BCAN: variants seen among roughly 807,000 people sequenced by gnomAD.
BCAN encodes the protein brevican core protein.
Under a neutral mutation model 92.4 loss-of-function variants are expected in BCAN, and 51 were observed. The observed-to-expected ratio is 0.55, with a 90% CI of 0.44 to 0.70. BCAN has a LOEUF of 0.70. Among genes scored for constraint, BCAN ranks in the 30% least tolerant of loss-of-function variants. The pLI is 0.00. For synonymous variants in BCAN, 501 were observed against 505.2 expected (o/e 0.99, Z 0.11); for missense variants, 1,140 against 1,212.1 (o/e 0.94, Z 0.88).
intron 11 of BCAN, 104 bp downstream of exon 11, chr1:156,657,861 C>T (rs1263971814): frequency 1.0e-6 from 1 of 994,782 alleles, no homozygotes; most frequent in Admixed American, 2.9e-5. Context: ...CTTTTTCCGG[C>T]CTCCTTCCCT....
At chr1:156,653,415 C>G (rs751806776) in intron 8 of BCAN, 13 of 995,688 alleles carry the variant, frequency 1.3e-5, no homozygotes, top group Non-Finnish European at 1.6e-5. Context: ...TATTTTTTGA[C>G]TGTTTCATGG....
chr1:156,652,171 T>C, intron 7 of BCAN, 77 bp from the exon 8 acceptor site: 1 of 1,515,974 alleles, frequency 6.6e-7, no homozygotes, highest in Non-Finnish European at 8.8e-7. Flanking sequence ...GAGCCCTACT[T>C]TTCTCCCCTT....
In BCAN at chr1:156,654,680, G is replaced by A. The variant is rs540419742; in HGVS notation, c.1943-1602G>A. Among the ~76,000 whole-genome samples, 5 of 152,330 alleles carry A rather than the reference G, an allele frequency of 3.3e-5. No homozygotes were observed. In the South Asian group the frequency reaches 1.0e-3, roughly 32 times the overall value. On this transcript the variant is annotated intron_variant, in intron 8 of 13. Coordinates refer to ENST00000329117, the MANE Select transcript of BCAN (RefSeq NM_021948.5). ...AAGTTTGAGAGCCTCTGTCCCCCAG[G>A]GTTGGAGGGTTGAATGGGAAGGAGC...
At position 156,658,004 on chromosome 1, in the gene BCAN, C is replaced by T; in HGVS notation, c.2293-123C>T. 1 of 1,166,318 alleles carries T rather than the reference C, an allele frequency of 8.6e-7. No homozygotes were observed. The highest frequency in any genetic ancestry group is 1.5e-5 in the South Asian group (1 of 64,742). The allele number at this position is 1,166,318 out of a possible 1,614,324, so 72.2% of individuals were successfully genotyped here. On this transcript the variant is annotated intron_variant, in intron 11 of 13. Coordinates refer to ENST00000329117, the MANE Select transcript of BCAN (RefSeq NM_021948.5). The surrounding 1 kb of genome is among the most constrained non-coding windows in gnomAD (Gnocchi z 4.4). Reference sequence around the variant, plus strand: ...TTCCCCTTCCCCGGGAGATCCCCTACCCCCTAGCCCTAACCTTCCCTCTCC... The same window carrying T: ...TTCCCCTTCCCCGGGAGATCCCCTATCCCCTAGCCCTAACCTTCCCTCTCC...
At chr1:156,643,212 T>C (rs1203453169) in intron 1 of BCAN, 1 of 152,276 alleles carries the variant, frequency 6.6e-6, no homozygotes, top group Non-Finnish European at 1.5e-5. Flanking sequence ...AGTGCCTATG[T>C]TGCTATGGCT....
intron 8 of BCAN, among the ~76,000 whole-genome samples, chr1:156,655,078 G>T (rs1679288633): frequency 6.6e-6 from 1 of 152,240 alleles, no homozygotes; most frequent in Admixed American, 6.5e-5. Flanking sequence ...AAAGTCTGAA[G>T]GGTTCTGCCC....
At chr1:156,651,734 T>C (rs776426277) in intron 7 of BCAN, 45 bp downstream of exon 7, 3 of 1,534,574 alleles carry the variant, frequency 2.0e-6, no homozygotes, top group East Asian at 2.3e-5. Context: ...TTGAAAGAAG[T>C]TGGGGGCAGA....
chr1:156,651,403 G>C, intron 6 of BCAN, 53 bp from the exon 7 acceptor site: 2 of 1,462,846 alleles, frequency 1.4e-6, no homozygotes, highest in South Asian at 2.4e-5. Flanking sequence ...CTGTGACCTG[G>C]GAGGGCAGAG....
At chr1:156,648,154 C>T in intron 5 of BCAN, 44 bp downstream of exon 5, 2 of 1,600,238 alleles carry the variant, frequency 1.2e-6, no homozygotes, top group South Asian at 2.2e-5. Flanking sequence ...TTCCTACTCC[C>T]ATGCTGCCCA....
chr1:156,659,027 GC>G lies in BCAN; in HGVS notation c.2632del (p.Arg878GlufsTer24). 6.3e-7 allele frequency: 1 copy of G among 1,594,862 alleles called. No homozygotes were observed. The highest frequency in any genetic ancestry group is 8.5e-7 in the Non-Finnish European group (1 of 1,172,562). On this transcript the variant is annotated frameshift_variant and splice_region_variant, in exon 14 of 14. Transcript: ENST00000329117. LOFTEE classifies it low-confidence loss of function (END_TRUNC). ...PQISCVPRRP[A>X]RALHPEEDPE... ...GAGGGTGAGTGTGTGTCTTCCCCAG[GC>G]CCGAGCTCTGCACCCAGAGGAGGAC...
At chr1:156,655,788 C>T (rs907829366) in intron 8 of BCAN, among the ~76,000 whole-genome samples, 1 of 152,146 alleles carries the variant, frequency 6.6e-6, no homozygotes, top group African/African-American at 2.4e-5. Context: ...CCTTCTGTCC[C>T]CTCCTTCACT....
chr1:156,648,885 C>T (rs374230118), intron 6 of BCAN, 24 bp downstream of exon 6: 1 of 1,533,100 alleles, frequency 6.5e-7, no homozygotes, highest in African/African-American at 1.4e-5. Flanking sequence ...CCTGCAGAAG[C>T]TGAGACCAAT....
intron 5 of BCAN, 68 bp from the exon 6 acceptor site, chr1:156,648,500 C>G (rs1324241407): frequency 2.3e-5 from 34 of 1,482,090 alleles, no homozygotes; most frequent in Non-Finnish European, 3.0e-5. Context: ...GCCCAGGGTT[C>G]CCATGGGAGA....
Position 156,658,245 on chromosome 1 carries a change from T to G in BCAN, c.2411T>G (p.Leu804Arg). ...AGTGACGTGCCCTGCAACTACCACC[T>G]GTCCTACACCTGCAAGATGGGGCTG... Reference protein sequence around the residue: ...QWSDVPCNYHLSYTCKMGLVS... With the variant: ...QWSDVPCNYHRSYTCKMGLVS... The change falls in exon 12 of 14, where the codon CTG becomes CGG. Residue 804 changes from leucine (L) to arginine (R), a missense_variant. Around this residue, in one of 3 missense-constraint regions of BCAN, gnomAD observed 825 missense variants for 871.8 expected, o/e 0.95. Transcript: ENST00000329117. This position sits in a 1 kb window ranked among gnomAD's most constrained non-coding sequence, Gnocchi z 4.4. 1.2e-6 allele frequency: 2 copies of G among 1,613,942 alleles called. No individual in the cohort carries two copies. The highest frequency in any genetic ancestry group is 2.7e-5 in the African/African-American group (2 of 74,966).
chr1:156,643,771 C>T (rs886914439), intron 1 of BCAN: 1 of 152,148 alleles, frequency 6.6e-6, no homozygotes, highest in Non-Finnish European at 1.5e-5. Context: ...TCCTGAACAG[C>T]TCAAGAAATT....
intron 10 of BCAN, 132 bp downstream of exon 10, chr1:156,657,228 C>A: frequency 8.7e-7 from 1 of 1,146,196 alleles, no homozygotes; most frequent in Non-Finnish European, 1.2e-6. Context: ...CTCACTCATT[C>A]GTTCACTCCC....
At position 156,646,562 on chromosome 1, in the gene BCAN, C is replaced by T. The variant is rs913728481; in HGVS notation, c.92-239C>T. On this transcript the variant is annotated intron_variant, in intron 2 of 13. Coordinates refer to ENST00000329117, the MANE Select transcript of BCAN (RefSeq NM_021948.5). The stretch of plus-strand genomic sequence containing the variant: ...GACTCTGAGAGCAGGGCAAGGAATC[C>T]TGGGGGCTGAATTGACTGGGAGACT... 13 of 629,306 alleles carry T rather than the reference C, an allele frequency of 2.1e-5. No homozygotes were observed. The African/African-American group carries it at 2.5e-4, about 12-fold the overall frequency. 39.0% of individuals were successfully genotyped at this position (629,306 alleles called of 1,614,324 possible).
Position 156,648,086 on chromosome 1 carries a change from T to C in BCAN, c.745T>C (p.Tyr249His), listed in dbSNP as rs370945380. 3.7e-6 allele frequency: 6 copies of C among 1,613,768 alleles called. No individual in the cohort carries two copies. Among genetic ancestry groups the C allele is most frequent in the Non-Finnish European group, 5.1e-6 (6 of 1,179,864 alleles). Residue 249 changes from tyrosine to histidine, a missense_variant, in exon 5 of 14, where the codon TAC (tyrosine) becomes CAC (histidine). This residue lies in a region of BCAN where 825 missense variants were observed against 871.8 expected (regional missense o/e 0.95). Transcript: ENST00000329117. ...VVDPDDLYDV[Y>H]CYAEDLNGEL... is the part of the protein sequence containing the mutation. ...GGACCCGGATGACCTCTATGATGTG[T>C]ACTGTTATGCTGAAGACCTAAATGG...
intron 1 of BCAN, chr1:156,645,018 C>T (rs1430049830): frequency 6.6e-6 from 1 of 152,266 alleles, no homozygotes; most frequent in Non-Finnish European, 1.5e-5. Context: ...CAGGGTCAGC[C>T]CTATCCTTCT....
Sources: gnomAD v4.1 joint callset for allele counts (sites outside exome capture counted in the v4.1 genomes callset) on GRCh38, gnomAD v4.1.1 for gene constraint, gnomAD v4.1.1 regional missense constraint, Gnocchi (gnomAD v3.1) non-coding constraint, MANE v1.5 for transcripts, NCBI Gene and HGNC (gene_info 2026-07-23, HGNC 2026-07-21) for gene names.